The following FAM72D variants were observed in gnomAD, a reference collection of about 807,000 sequenced individuals.
The protein encoded by FAM72D is protein FAM72D.
For synonymous variants in FAM72D, 4 were observed against 35.1 expected (o/e 0.11, Z 3.13); for missense variants, 9 against 104.7 (o/e 0.09, Z 3.99).
chr1:145,101,138 C>T (rs1409450868), intron 2 of FAM72D, among the ~76,000 whole-genome samples: 22 of 145,824 alleles, frequency 1.5e-4, no homozygotes, highest in Non-Finnish European at 2.2e-4. Flanking sequence ...GGTGGGGTTT[C>T]GCCATGTTGG....
chr1:145,101,162 G>A (rs1204513242), intron 2 of FAM72D, among the ~76,000 whole-genome samples: 6 of 133,356 alleles, frequency 4.5e-5, no homozygotes, highest in East Asian at 4.5e-4. Context: ...GGCTGGTCTC[G>A]AACTCCTGAC....
intron 2 of FAM72D, among the ~76,000 whole-genome samples, chr1:145,100,835 C>G (rs587634797): frequency 1.3e-5 from 2 of 150,698 alleles, no homozygotes; most frequent in South Asian, 4.2e-4. Flanking sequence ...AGGATTTCGC[C>G]ATGTTAGCCA....
chr1:145,107,638 A>G (rs1291287648), intron 3 of FAM72D, among the ~76,000 whole-genome samples: 2 of 61,800 alleles, frequency 3.2e-5, no homozygotes, highest in African/African-American at 1.3e-4. Flanking sequence ...GCTCACCGCA[A>G]CCTCCACCTC....
In FAM72D at chr1:145,101,998, AT is replaced by A. The variant is rs587695835; in HGVS notation, c.231-1001del. On this transcript the variant is annotated intron_variant, in intron 2 of 3. Coordinates refer to ENST00000400889, the MANE Select transcript of FAM72D (RefSeq NM_207418.3). ...CAAGGTATAAACAGTTCATGTTGCT[AT>A]TTTTTTTAAAGTACTAGCTAAAACA... Among the ~76,000 whole-genome samples, 60 of 120,386 alleles carry A rather than the reference AT, an allele frequency of 5.0e-4. 2 individuals are homozygous for A. The East Asian group carries it at 6.0e-3, about 12-fold the overall frequency. The allele number at this position is 120,386 out of a possible 152,430, so 79.0% of individuals were successfully genotyped here.
intron 2 of FAM72D, among the ~76,000 whole-genome samples, chr1:145,100,960 G>A: frequency 6.9e-6 from 1 of 145,894 alleles, no homozygotes. Flanking sequence ...GTTTTGTTTT[G>A]AGACGGAGTC....
upstream of FAM72D, chr1:145,095,102 CTAAGGCGATGCCGCGAGCA>C: frequency 1.0e-6 from 1 of 1,000,108 alleles, no homozygotes; most frequent in Non-Finnish European, 1.3e-6. Flanking sequence ...GGCGGCACCG[CTAAGGCGATGCCGCGAGCA>C]GCATCCGCGC....
intron 3 of FAM72D, among the ~76,000 whole-genome samples, chr1:145,107,133 CAAAA>C (rs71270756): frequency 7.6e-4 from 52 of 68,806 alleles, no homozygotes; most frequent in African/African-American, 2.3e-3. Context: ...GACCCTGTCT[CAAAA>C]AAAAAAAAAA....
At chr1:145,100,837 T>C (rs1654672692) in intron 2 of FAM72D, among the ~76,000 whole-genome samples, 1 of 150,606 alleles carries the variant, frequency 6.6e-6, no homozygotes, top group Non-Finnish European at 1.5e-5. Flanking sequence ...GATTTCGCCA[T>C]GTTAGCCAGG....
At chr1:145,102,712 A>T (rs1490799590) in intron 2 of FAM72D, among the ~76,000 whole-genome samples, 1 of 111,398 alleles carries the variant, frequency 9.0e-6, no homozygotes, top group African/African-American at 3.3e-5. Context: ...GGTTGCAGGC[A>T]CTCCAGCCTG....
In FAM72D at chr1:145,112,410, C is replaced by CTGTTT. The variant is rs1211644468; in HGVS notation, c.*821_*825dup. The CTGTTT allele has an allele frequency of 1.3e-5, 2 of 150,764 alleles. No homozygotes were observed. Among genetic ancestry groups the CTGTTT allele is most frequent in the South Asian group, 4.2e-4 (2 of 4,774 alleles). 9.3% of individuals were successfully genotyped at this position (150,764 alleles called of 1,614,324 possible). ...TTAAGCCATTGTACATTATAAAGAG[C>CTGTTT]TGTTTTGTTTTGCTTTGCTTTGCTT... On this transcript the variant is annotated 3_prime_UTR_variant, in exon 4 of 4. Coordinates refer to ENST00000400889, the MANE Select transcript of FAM72D (RefSeq NM_207418.3).
At chr1:145,094,917 C>T (rs1654313686), upstream of FAM72D, 5 of 1,519,432 alleles carry the variant, frequency 3.3e-6, 1 homozygote, top group South Asian at 6.0e-5. Flanking sequence ...CGCGGCTGCC[C>T]GTGTGCGGAG....
At chr1:145,102,747 C>CAATAATAATAATAAT (rs199492496) in intron 2 of FAM72D, among the ~76,000 whole-genome samples, 7 of 114,998 alleles carry the variant, frequency 6.1e-5, no homozygotes, top group Non-Finnish European at 1.1e-4. Flanking sequence ...AACTCGGTCT[C>CAATAATAATAATAAT]AATAATAATA....
chr1:145,107,635 G>A (rs1320923328), intron 3 of FAM72D, among the ~76,000 whole-genome samples: 5 of 73,942 alleles, frequency 6.8e-5, no homozygotes, highest in African/African-American at 1.1e-4. Context: ...TCGGCTCACC[G>A]CAACCTCCAC....
intron 2 of FAM72D, among the ~76,000 whole-genome samples, chr1:145,100,632 C>G (rs1217068440): frequency 2.1e-5 from 3 of 140,982 alleles, no homozygotes; most frequent in Admixed American, 7.0e-5. Flanking sequence ...GCTGAGACTA[C>G]AGGCACGCAC....
chr1:145,100,697 G>A (rs1571196102), intron 2 of FAM72D, among the ~76,000 whole-genome samples: 1 of 148,030 alleles, frequency 6.8e-6, no homozygotes. Context: ...TCACCGTGTT[G>A]CCCAGGCTGC....
At chr1:145,102,013 C>T (rs1441583515) in intron 2 of FAM72D, among the ~76,000 whole-genome samples, 1 of 123,070 alleles carries the variant, frequency 8.1e-6, no homozygotes, top group Admixed American at 7.8e-5. Context: ...TTTTAAAGTA[C>T]TAGCTAAAAC....
intron 3 of FAM72D, among the ~76,000 whole-genome samples, chr1:145,105,726 G>T (rs1405008003): frequency 6.6e-6 from 1 of 150,530 alleles, no homozygotes; most frequent in Admixed American, 6.6e-5. Flanking sequence ...GCCAAGGCGG[G>T]CAGATCACCT....
intron 2 of FAM72D, among the ~76,000 whole-genome samples, chr1:145,101,001 G>A (rs1232796079): frequency 6.6e-6 from 1 of 150,556 alleles, no homozygotes; most frequent in African/African-American, 2.5e-5. Context: ...GAGTGCAATG[G>A]CATCATCTTG....
chr1:145,107,094 G>A (rs1468704634), intron 3 of FAM72D, among the ~76,000 whole-genome samples: 7 of 88,390 alleles, frequency 7.9e-5, no homozygotes, highest in African/African-American at 2.2e-4. Context: ...AGGTGGCACC[G>A]CTGCACTCCA....
Sources: allele counts gnomAD v4.1 joint callset (sites outside exome capture counted in the v4.1 genomes callset), GRCh38; gene constraint gnomAD v4.1.1; transcripts MANE v1.5; gene names NCBI Gene and HGNC (gene_info 2026-07-23, HGNC 2026-07-21).